The following KIF16B variants were observed in gnomAD, a reference collection of about 807,000 sequenced individuals.
KIF16B encodes kinesin family member 16B.
Under a neutral mutation model 156.3 loss-of-function variants are expected in KIF16B, and 98 were observed. That is an observed-to-expected ratio of 0.63 (90% CI 0.53 to 0.74). The LOEUF (loss-of-function observed/expected upper bound fraction) is 0.74, where lower values mean the gene tolerates loss of function less well. Among genes scored for constraint, KIF16B ranks in the 30% least tolerant of loss-of-function variants. The pLI is 0.00. For synonymous variants in KIF16B, 564 were observed against 583.7 expected (o/e 0.97, Z 0.49); for missense variants, 1,421 against 1,606.5 (o/e 0.88, Z 1.97).
intron 25 of KIF16B, among the ~76,000 whole-genome samples, chr20:16,288,093 C>T (rs1326883979): frequency 6.6e-6 from 1 of 152,192 alleles, no homozygotes; most frequent in Non-Finnish European, 1.5e-5. Flanking sequence ...TCAACTTCTT[C>T]AGCACTGGAA....
At chr20:16,466,992 C>G (rs2067509861) in intron 12 of KIF16B, among the ~76,000 whole-genome samples, 1 of 151,968 alleles carries the variant, frequency 6.6e-6, no homozygotes, top group Admixed American at 6.6e-5. Context: ...CGTTCTCATG[C>G]TTTTGGGAGG....
intron 12 of KIF16B, among the ~76,000 whole-genome samples, chr20:16,449,557 A>T (rs573667322): frequency 1.3e-5 from 2 of 152,358 alleles, no homozygotes; most frequent in South Asian, 4.1e-4. Context: ...AATAACAGAC[A>T]ACCTAAACAA....
chr20:16,365,807 T>C (rs962286409), intron 22 of KIF16B, among the ~76,000 whole-genome samples: 1 of 152,114 alleles, frequency 6.6e-6, no homozygotes, highest in Non-Finnish European at 1.5e-5. Flanking sequence ...TTGACCAGAA[T>C]AGAAAATGCC....
intron 24 of KIF16B, among the ~76,000 whole-genome samples, chr20:16,331,497 T>C (rs934345726): frequency 6.6e-6 from 1 of 152,234 alleles, no homozygotes; most frequent in Non-Finnish European, 1.5e-5. Flanking sequence ...CCAGTGTGCT[T>C]TTCGATACTT....
chr20:16,395,030 G>A (rs752040028), intron 17 of KIF16B, among the ~76,000 whole-genome samples: 3 of 151,232 alleles, frequency 2.0e-5, no homozygotes, highest in Non-Finnish European at 4.4e-5. Context: ...TAGATTCTAT[G>A]TCTGTTTTCT....
intron 12 of KIF16B, among the ~76,000 whole-genome samples, chr20:16,439,013 TG>T (rs1488514411): frequency 6.6e-6 from 1 of 152,148 alleles, no homozygotes; most frequent in Admixed American, 6.6e-5. Context: ...GGAAATCCAC[TG>T]GGGATCAGCC....
At chr20:16,429,829 CAAAATT>C (rs1427760557) in intron 13 of KIF16B, 28 bp downstream of exon 13, 2 of 1,579,420 alleles carry the variant, frequency 1.3e-6, no homozygotes, top group Middle Eastern at 1.8e-4. Flanking sequence ...AAACTGGAAA[CAAAATT>C]AGAATGTTCC....
intron 20 of KIF16B, 70 bp from the exon 21 acceptor site, chr20:16,371,831 T>C (rs2064829948): frequency 7.7e-6 from 8 of 1,035,076 alleles, no homozygotes; most frequent in Non-Finnish European, 1.2e-5. Flanking sequence ...ATCCTCTCTT[T>C]ACTACGCCCT....
chr20:16,573,224 C>T lies in KIF16B; in HGVS notation c.47+5G>A. 6.3e-7 allele frequency: 1 copy of T among 1,593,258 alleles called. No individual in the cohort carries two copies. Among genetic ancestry groups the T allele is most frequent in the Non-Finnish European group, 8.5e-7 (1 of 1,171,028 alleles). ...AGGGGGCGGGGCGCGGGCGGCCCCA[C>T]TCACCTGCGATTCATGGGCCGGACC... On this transcript the variant is annotated splice_donor_5th_base_variant and intron_variant, in intron 1 of 25. Transcript: ENST00000354981.
At chr20:16,322,078 A>G (rs2063779506) in intron 24 of KIF16B, among the ~76,000 whole-genome samples, 1 of 152,044 alleles carries the variant, frequency 6.6e-6, no homozygotes, top group Non-Finnish European at 1.5e-5. Flanking sequence ...AATGAGGATT[A>G]CAATAGCATA....
At chr20:16,438,239 T>C (rs941504600) in intron 12 of KIF16B, among the ~76,000 whole-genome samples, 3 of 152,284 alleles carry the variant, frequency 2.0e-5, no homozygotes, top group Middle Eastern at 6.8e-3. Flanking sequence ...GAAGCTACTG[T>C]TTCTCATACA....
intron 15 of KIF16B, among the ~76,000 whole-genome samples, chr20:16,416,578 G>A (rs1568957066): frequency 6.6e-6 from 1 of 152,102 alleles, no homozygotes; most frequent in Non-Finnish European, 1.5e-5. Flanking sequence ...CCTGTTGTGG[G>A]AGGGTGGGGT....
intron 9 of KIF16B, among the ~76,000 whole-genome samples, chr20:16,504,902 A>G (rs1250062021): frequency 6.6e-6 from 1 of 151,644 alleles, no homozygotes; most frequent in East Asian, 1.9e-4. Context: ...AATACTTTTA[A>G]AAGTTCTGGC....
At chr20:16,566,143 T>A (rs1188634829) in intron 1 of KIF16B, among the ~76,000 whole-genome samples, 1 of 152,270 alleles carries the variant, frequency 6.6e-6, no homozygotes, top group South Asian at 2.1e-4. Flanking sequence ...AATACAGTGA[T>A]TGCTTCTTCA....
intron 1 of KIF16B, among the ~76,000 whole-genome samples, chr20:16,548,247 C>T (rs1029899001): frequency 2.6e-5 from 4 of 152,146 alleles, no homozygotes; most frequent in Non-Finnish European, 4.4e-5. Context: ...TGCTCTACCA[C>T]GTCAGAGGGA....
chr20:16,432,583 C>T (rs1218132459), intron 12 of KIF16B, among the ~76,000 whole-genome samples: 1 of 152,082 alleles, frequency 6.6e-6, no homozygotes, highest in Non-Finnish European at 1.5e-5. Flanking sequence ...ACCATTAAAG[C>T]AAAACTCAAA....
chr20:16,465,414 C>T lies in KIF16B; in HGVS notation c.1302+28877G>A, dbSNP rs190484609. The stretch of plus-strand genomic sequence containing the variant: ...AGTCCATCATGCAGCCTCTGTCCTC[C>T]GACAATGAAGCATCTCACACACCTC... On this transcript the variant is annotated intron_variant, in intron 12 of 25. Coordinates refer to ENST00000354981, the MANE Select transcript of KIF16B (RefSeq NM_024704.5). Among the ~76,000 whole-genome samples the T allele has an allele frequency of 4.6e-5, 7 of 152,304 alleles. No individual in the cohort carries two copies. The South Asian group carries it at 8.3e-4, about 18-fold the overall frequency.
rs376214761 is a variant in KIF16B at position 16,379,405 on chromosome 20, C to A, written c.2597G>T (p.Cys866Phe). 95 of 1,608,792 alleles carry A rather than the reference C, an allele frequency of 5.9e-5. No individual in the cohort carries two copies. The highest frequency in any genetic ancestry group is 8.0e-5 in the Non-Finnish European group (94 of 1,178,052). ...CAATCTAGATTCTTTGTCATGTTCACATTTTAAACACTCTAGGATCTCCTG... is the reference window on the plus strand; with the variant it reads ...CAATCTAGATTCTTTGTCATGTTCAAATTTTAAACACTCTAGGATCTCCTG... Reference protein sequence around the residue: ...EEQEILECLKCEHDKESRLLE... With the variant: ...EEQEILECLKFEHDKESRLLE... Residue 866 changes from cysteine (C) to phenylalanine (F), a missense_variant, in exon 19 of 26, where the codon TGT becomes TTT. Cys to Phe is a radical substitution (Grantham distance 205, BLOSUM62 -2). Coordinates refer to ENST00000354981, the MANE Select transcript of KIF16B (RefSeq NM_024704.5).
At chr20:16,525,807 G>A (rs1390126511) in intron 3 of KIF16B, among the ~76,000 whole-genome samples, 3 of 152,110 alleles carry the variant, frequency 2.0e-5, no homozygotes, top group Non-Finnish European at 4.4e-5. Context: ...TCTATGTAGA[G>A]CTCCTTCTAA....
Sources: gnomAD v4.1 joint callset for allele counts (sites outside exome capture counted in the v4.1 genomes callset) on GRCh38, gnomAD v4.1.1 for gene constraint, MANE v1.5 for transcripts, NCBI Gene and HGNC (gene_info 2026-07-23, HGNC 2026-07-21) for gene names.